Variants in MICAL2 observed in about 807,000 individuals in gnomAD.
MICAL2 encodes the protein microtubule associated monooxygenase, calponin and LIM domain containing 2.
In MICAL2, 77 loss-of-function variants were observed where a neutral mutation model predicts 127.3. The observed-to-expected ratio is 0.60, with a 90% CI of 0.50 to 0.73. MICAL2 has a LOEUF of 0.73. Among genes scored for constraint, MICAL2 ranks in the 30% least tolerant of loss-of-function variants. The probability of loss-of-function intolerance (pLI) is 0.00; values close to 1 mark genes in which losing one functional copy is unlikely to be tolerated. For synonymous variants in MICAL2, 570 were observed against 551.1 expected (o/e 1.03, Z -0.48); for missense variants, 1,351 against 1,434.4 (o/e 0.94, Z 0.94).
At chr11:12,320,501 G>C (rs1262707192) in intron 30 of MICAL2, among the ~76,000 whole-genome samples, 1 of 152,142 alleles carries the variant, frequency 6.6e-6, no homozygotes, top group African/African-American at 2.4e-5. Flanking sequence ...ACTGAAGCTG[G>C]AGCGTTTTCA....
At chr11:12,175,066 C>A (rs1856686745) in intron 3 of MICAL2, among the ~76,000 whole-genome samples, 1 of 151,778 alleles carries the variant, frequency 6.6e-6, no homozygotes, top group Non-Finnish European at 1.5e-5. Context: ...AAGGCTGTAG[C>A]AAGATGAGAT....
intron 32 of MICAL2, among the ~76,000 whole-genome samples, chr11:12,342,068 A>T (rs540903976): frequency 6.6e-6 from 1 of 152,366 alleles, no homozygotes; most frequent in South Asian, 2.1e-4. Flanking sequence ...TTCGCACAGG[A>T]AAAGGCATGA....
downstream of MICAL2, chr11:12,292,211 T>C: frequency 1.2e-6 from 2 of 1,614,086 alleles, no homozygotes; most frequent in South Asian, 2.2e-5. Context: ...TCCTCTTCCT[T>C]CATCGTCTTC....
Position 12,337,876 on chromosome 11 carries a change from A to G in MICAL2, c.5515+10610A>G, listed in dbSNP as rs558422682. On this transcript the variant is annotated intron_variant, in intron 32 of 34. Transcript: ENST00000646065. ...GCTGAGGAGAGCTTTACTTCCAACTATGTGGTCAGTTTTGGAATAGGTGTG... is the reference window on the plus strand; with the variant it reads ...GCTGAGGAGAGCTTTACTTCCAACTGTGTGGTCAGTTTTGGAATAGGTGTG... Among the ~76,000 whole-genome samples, 587 of 152,214 alleles carry G rather than the reference A, an allele frequency of 3.9e-3. 2 individuals carry two copies. Among genetic ancestry groups the G allele is most frequent in the Non-Finnish European group, 6.5e-3 (440 of 68,032 alleles).
At chr11:12,308,043 T>A (rs1189548450) in intron 29 of MICAL2, 2 of 151,988 alleles carry the variant, frequency 1.3e-5, no homozygotes, top group Non-Finnish European at 2.9e-5. Context: ...CCAGCATGCC[T>A]GGCTAATTAA....
intron 3 of MICAL2, among the ~76,000 whole-genome samples, chr11:12,179,528 T>G (rs1461281089): frequency 1.3e-5 from 2 of 152,220 alleles, no homozygotes; most frequent in Non-Finnish European, 2.9e-5. Flanking sequence ...TGAGACCTGC[T>G]GCAAATCCAC....
intron 30 of MICAL2, among the ~76,000 whole-genome samples, chr11:12,320,022 AT>A (rs1181536355): frequency 6.6e-6 from 1 of 152,058 alleles, no homozygotes; most frequent in South Asian, 2.1e-4. Context: ...TCAGACGCAA[AT>A]TTGGGAGAAA....
intron 2 of MICAL2, among the ~76,000 whole-genome samples, chr11:12,150,870 A>G (rs1247018818): frequency 6.6e-6 from 1 of 152,060 alleles, no homozygotes; most frequent in Admixed American, 6.5e-5. Context: ...AAATGTATCC[A>G]TTTCTGCCTC....
At chr11:12,333,422 T>G (rs374318190) in intron 32 of MICAL2, among the ~76,000 whole-genome samples, 2 of 151,768 alleles carry the variant, frequency 1.3e-5, no homozygotes, top group African/African-American at 4.8e-5. Flanking sequence ...TCCAAAACCA[T>G]GCGGCAAACA....
At chr11:12,229,784 A>G (rs1857969819) in intron 15 of MICAL2, among the ~76,000 whole-genome samples, 1 of 152,220 alleles carries the variant, frequency 6.6e-6, no homozygotes, top group South Asian at 2.1e-4. Context: ...CTTGTGGTAG[A>G]GGGCTCTGCC....
At chr11:12,222,258 G>T (rs1856903860) in intron 10 of MICAL2, among the ~76,000 whole-genome samples, 1 of 152,154 alleles carries the variant, frequency 6.6e-6, no homozygotes, top group Admixed American at 6.5e-5. Context: ...GGCAGGCCCT[G>T]ACAATCTTGG....
chr11:12,118,154 A>G (rs898597754), intron 1 of MICAL2, among the ~76,000 whole-genome samples: 17 of 152,198 alleles, frequency 1.1e-4, no homozygotes, highest in Admixed American at 7.2e-4. Flanking sequence ...GTTATCTTGT[A>G]TCTTGGGCTT....
rs191319823 is a variant in MICAL2, at chr11:12,316,418, T to C, written c.5213-3278T>C. On this transcript the variant is annotated intron_variant, in intron 29 of 34. Transcript: ENST00000646065. ...AATTTATTCCTAGGTGGTTTTTTTT[T>C]TTGAAGTTATTATAAATGAGATTTT... Among the ~76,000 whole-genome samples, 1,235 of 151,868 alleles carry C rather than the reference T, an allele frequency of 8.1e-3. 11 individuals are homozygous for C. Among genetic ancestry groups the C allele is most frequent in the Non-Finnish European group, 0.012 (844 of 67,866 alleles).
intron 26 of MICAL2, chr11:12,260,526 T>G (rs976701196): frequency 9.8e-7 from 1 of 1,024,788 alleles, no homozygotes; most frequent in African/African-American, 1.7e-5. Flanking sequence ...TATAAACCCC[T>G]TGAACACTGC....
intron 1 of MICAL2, among the ~76,000 whole-genome samples, chr11:12,131,648 G>A (rs1378800546): frequency 6.6e-6 from 1 of 152,138 alleles, no homozygotes; most frequent in East Asian, 1.9e-4. Context: ...TGTTTCCTGG[G>A]AGTTCTTTCT....
In MICAL2 at chr11:12,216,295, G is replaced by A. The variant is rs368971485; in HGVS notation, c.924G>A (p.Leu308=). Residue 308 remains leucine, a synonymous_variant, in exon 8 of 28, where the codon CTG becomes CTA. Transcript: ENST00000683283. ...TAATGACAGCCAAGAAGCAGAGCCT[G>A]CTCGACAAAGGTGTCATCATTAACG... ...YFVMTAKKQS[L]LDKGVIINDY... 2 of 1,614,032 alleles carry A rather than the reference G, an allele frequency of 1.2e-6. No individual in the cohort carries two copies. The highest frequency in any genetic ancestry group is 1.7e-6 in the Non-Finnish European group (2 of 1,179,908).
chr11:12,146,474 C>T (rs1852918051), intron 2 of MICAL2, among the ~76,000 whole-genome samples: 1 of 152,242 alleles, frequency 6.6e-6, no homozygotes, highest in African/African-American at 2.4e-5. Flanking sequence ...CTCATCATCA[C>T]TGGCCATCAG....
In MICAL2 at chr11:12,216,290, A is replaced by G. The variant is rs1856141967; in HGVS notation, c.919A>G (p.Ser307Gly). 1.2e-6 allele frequency: 2 copies of G among 1,613,898 alleles called. No individual in the cohort carries two copies. Among genetic ancestry groups the G allele is most frequent in the Non-Finnish European group, 1.7e-6 (2 of 1,179,934 alleles). ...HYFVMTAKKQ[S>G]LLDKGVIIND... is the part of the protein sequence containing the mutation. ...TTTTGTAATGACAGCCAAGAAGCAG[A>G]GCCTGCTCGACAAAGGTGTCATCAT... The change falls in exon 8 of 28, where the codon AGC (serine) becomes GGC (glycine). Residue 307 changes from serine to glycine, a missense_variant. Physicochemically the swap from Ser to Gly is moderately conservative, Grantham distance 56. This residue lies in a region of MICAL2 where 599 missense variants were observed against 714.9 expected (regional missense o/e 0.84). Coordinates refer to ENST00000683283, the MANE Select transcript of MICAL2 (RefSeq NM_001282663.2).
chr11:12,250,492 C>T (rs1861400932), intron 22 of MICAL2, among the ~76,000 whole-genome samples: 1 of 152,220 alleles, frequency 6.6e-6, no homozygotes, highest in South Asian at 2.1e-4. Context: ...GAAGTCTCTC[C>T]ATTTTACAGA....
Sources: gnomAD v4.1 joint callset for allele counts (sites outside exome capture counted in the v4.1 genomes callset) on GRCh38, gnomAD v4.1.1 for gene constraint, gnomAD v4.1.1 regional missense constraint, MANE v1.5 for transcripts, NCBI Gene and HGNC (gene_info 2026-07-23, HGNC 2026-07-21) for gene names.